SYNPR: variants seen among roughly 807,000 people sequenced by gnomAD.
SYNPR encodes the protein synaptoporin.
In SYNPR, 23 loss-of-function variants were observed where a neutral mutation model predicts 32.9. The observed-to-expected ratio is 0.70, with a 90% CI of 0.50 to 0.99. The LOEUF is 0.99. SYNPR is among the 50% of genes least tolerant of loss of function. The pLI, the probability that SYNPR is intolerant of heterozygous loss-of-function variation, is 0.00. For synonymous variants in SYNPR, 146 were observed against 135.9 expected (o/e 1.07, Z -0.52); for missense variants, 318 against 349.3 (o/e 0.91, Z 0.71).
intron 3 of SYNPR, among the ~76,000 whole-genome samples, chr3:63,484,187 G>A (rs1405205310): frequency 6.6e-6 from 1 of 152,108 alleles, no homozygotes; most frequent in Non-Finnish European, 1.5e-5. Flanking sequence ...AGAAATAATT[G>A]ACATGCAGCA....
At chr3:63,226,848 G>T (rs1330979633), upstream of SYNPR, among the ~76,000 whole-genome samples, 3 of 152,268 alleles carry the variant, frequency 2.0e-5, no homozygotes, top group African/African-American at 7.2e-5. Flanking sequence ...AGAACAGCCA[G>T]AAGACAGGAC....
intron 2 of SYNPR, among the ~76,000 whole-genome samples, chr3:63,459,779 C>G (rs889315536): frequency 6.6e-6 from 1 of 152,156 alleles, no homozygotes; most frequent in African/African-American, 2.4e-5. Context: ...TGAACTGATT[C>G]ACATTCTTTA....
intron 2 of SYNPR, among the ~76,000 whole-genome samples, chr3:63,325,322 C>G (rs1357366574): frequency 6.6e-6 from 1 of 152,054 alleles, no homozygotes; most frequent in African/African-American, 2.4e-5. Flanking sequence ...TTGGGGTACA[C>G]AAGAAACATA....
intron 2 of SYNPR, among the ~76,000 whole-genome samples, chr3:63,252,819 T>C (rs571542150): frequency 3.3e-4 from 50 of 152,210 alleles, no homozygotes; most frequent in South Asian, 1.9e-3. Context: ...GGAGGGCAGA[T>C]CACCTGAGGT....
At chr3:63,257,797 C>T (rs1575578115) in intron 2 of SYNPR, among the ~76,000 whole-genome samples, 1 of 152,138 alleles carries the variant, frequency 6.6e-6, no homozygotes, top group Non-Finnish European at 1.5e-5. Flanking sequence ...AGTCAAGACC[C>T]ATCAGTGTGC....
At chr3:63,285,960 C>T (rs143101065) in intron 2 of SYNPR, among the ~76,000 whole-genome samples, 82 of 152,136 alleles carry the variant, frequency 5.4e-4, no homozygotes, top group African/African-American at 1.6e-3. Context: ...GCGGTTATGA[C>T]GGTGATGAAA....
intron 2 of SYNPR, among the ~76,000 whole-genome samples, chr3:63,446,648 G>T (rs1475031031): frequency 6.6e-6 from 1 of 152,152 alleles, no homozygotes; most frequent in African/African-American, 2.4e-5. Context: ...TGCATTATGA[G>T]AAAGGATTAT....
chr3:63,253,390 A>G (rs1371116457), intron 2 of SYNPR, among the ~76,000 whole-genome samples: 2 of 152,240 alleles, frequency 1.3e-5, no homozygotes, highest in Non-Finnish European at 1.5e-5. Flanking sequence ...AAACAACTGT[A>G]GCATCATTTG....
chr3:63,352,889 G>T (rs1020823650), intron 2 of SYNPR, among the ~76,000 whole-genome samples: 9 of 152,152 alleles, frequency 5.9e-5, no homozygotes, highest in African/African-American at 2.2e-4. Context: ...GCACCGGAAA[G>T]ACCTGCCCCC....
At chr3:63,314,069 A>T (rs2087014347) in intron 2 of SYNPR, among the ~76,000 whole-genome samples, 1 of 38,742 alleles carries the variant, frequency 2.6e-5, no homozygotes, top group African/African-American at 7.6e-5. Flanking sequence ...ATATATATCC[A>T]TATATATATA....
intron 3 of SYNPR, among the ~76,000 whole-genome samples, chr3:63,495,180 A>T (rs1701348799): frequency 1.3e-5 from 2 of 152,204 alleles, no homozygotes; most frequent in Admixed American, 6.5e-5. Flanking sequence ...ATTTTGAAAG[A>T]TTCTTTGCCA....
chr3:63,584,946 C>A (rs564072139), intron 4 of SYNPR, among the ~76,000 whole-genome samples: 1 of 152,216 alleles, frequency 6.6e-6, no homozygotes, highest in South Asian at 2.1e-4. Flanking sequence ...CTCTTCCAGA[C>A]TTACTGAATT....
chr3:63,344,550 ATT>A (rs10627844), intron 2 of SYNPR, among the ~76,000 whole-genome samples: 32 of 130,530 alleles, frequency 2.5e-4, no homozygotes, highest in African/African-American at 7.2e-4. Context: ...TTCAAAAAAG[ATT>A]TTTTTTTTTT....
intron 1 of SYNPR, among the ~76,000 whole-genome samples, chr3:63,239,486 C>A: frequency 6.6e-6 from 1 of 150,574 alleles, no homozygotes; most frequent in Admixed American, 6.6e-5. Flanking sequence ...CATGACACAC[C>A]TGACAATGGT....
At chr3:63,445,418 G>T in intron 2 of SYNPR, 1 of 574,784 alleles carries the variant, frequency 1.7e-6, no homozygotes, top group Non-Finnish European at 3.1e-6. Flanking sequence ...ACTTCTGAAA[G>T]GTCCATAATA....
chr3:63,210,258 T>C, the SYNPR span, among the ~76,000 whole-genome samples: 9,625 of 152,304 alleles, frequency 0.063, 388 homozygotes, highest in Middle Eastern at 0.085. Context: ...GCCTACTGTA[T>C]GCTGGGTGCT....
intron 4 of SYNPR, among the ~76,000 whole-genome samples, chr3:63,571,580 A>T (rs1456754702): frequency 6.6e-6 from 1 of 152,182 alleles, no homozygotes; most frequent in Non-Finnish European, 1.5e-5. Flanking sequence ...AGAAGGAAGG[A>T]ATTAGTAATA....
At chr3:63,478,930 C>G (rs759138214) in intron 2 of SYNPR, among the ~76,000 whole-genome samples, 3 of 152,152 alleles carry the variant, frequency 2.0e-5, no homozygotes, top group Non-Finnish European at 4.4e-5. Flanking sequence ...ATCACCTTCT[C>G]TTTATTTCTA....
At chr3:63,422,419 A>G (rs1420972215) in intron 2 of SYNPR, among the ~76,000 whole-genome samples, 1 of 152,230 alleles carries the variant, frequency 6.6e-6, no homozygotes, top group Non-Finnish European at 1.5e-5. Context: ...CATTGAGTGA[A>G]TAAAAAATTG....
Sources: allele counts gnomAD v4.1 joint callset (sites outside exome capture counted in the v4.1 genomes callset), GRCh38; gene constraint gnomAD v4.1.1; transcripts MANE v1.5; gene names NCBI Gene and HGNC (gene_info 2026-07-23, HGNC 2026-07-21).